PDE4D: variants seen among roughly 807,000 people sequenced by gnomAD.
The protein encoded by PDE4D is 3',5'-cyclic-AMP phosphodiesterase 4D.
A neutral mutation model predicts 87.4 loss-of-function variants in PDE4D; 24 were observed. That is an observed-to-expected ratio of 0.27 (90% CI 0.20 to 0.39). The LOEUF (loss-of-function observed/expected upper bound fraction) is 0.39, where lower values mean the gene tolerates loss of function less well. PDE4D is among the 10% of genes least tolerant of loss of function. The probability of loss-of-function intolerance (pLI) is 1.00; values close to 1 mark genes in which losing one functional copy is unlikely to be tolerated. For synonymous variants in PDE4D, 384 were observed against 383.2 expected, an observed-to-expected ratio of 1.00 and a Z score of -0.02; for missense variants, 714 against 1,041.0, an observed-to-expected ratio of 0.69 and a Z score of 4.32.
chr5:59,248,534 G>A (rs1024033961), intron 1 of PDE4D, among the ~76,000 whole-genome samples: 23 of 151,968 alleles, frequency 1.5e-4, no homozygotes, highest in African/African-American at 5.6e-4. Flanking sequence ...GACAAGAAAA[G>A]GTAAAAGTTT....
intron 1 of PDE4D, among the ~76,000 whole-genome samples, chr5:59,631,506 C>A (rs568017525): frequency 6.6e-6 from 1 of 152,216 alleles, no homozygotes; most frequent in East Asian, 1.9e-4. Flanking sequence ...GTGAGATCAA[C>A]ACAGAAGGCA....
chr5:59,767,115 T>G (rs776593759), intron 1 of PDE4D, among the ~76,000 whole-genome samples: 1 of 151,998 alleles, frequency 6.6e-6, no homozygotes, highest in Non-Finnish European at 1.5e-5. Flanking sequence ...TTCCTTTTAC[T>G]TTTTGCTGCT....
intron 2 of PDE4D, among the ~76,000 whole-genome samples, chr5:60,016,027 G>A (rs183341725): frequency 7.8e-6 from 1 of 128,770 alleles, no homozygotes; most frequent in East Asian, 2.0e-4. Flanking sequence ...CTCTCTCTCT[G>A]TGTGTGTGTG....
intron 1 of PDE4D, among the ~76,000 whole-genome samples, chr5:60,308,354 T>A (rs996876770): frequency 6.6e-6 from 1 of 152,190 alleles, no homozygotes; most frequent in Admixed American, 6.5e-5. Flanking sequence ...ATTTTGAAAA[T>A]TTTCCAACAT....
intron 1 of PDE4D, among the ~76,000 whole-genome samples, chr5:59,543,550 T>C (rs1294661238): frequency 1.3e-5 from 2 of 152,124 alleles, no homozygotes; most frequent in Admixed American, 1.3e-4. Flanking sequence ...TACAAAGATA[T>C]AAAGGAATCC....
At chr5:60,211,597 T>G (rs1304905582) in intron 1 of PDE4D, among the ~76,000 whole-genome samples, 3 of 150,528 alleles carry the variant, frequency 2.0e-5, no homozygotes, top group Admixed American at 2.0e-4. Context: ...TTTTTATTTA[T>G]ATTATATGAA....
chr5:59,340,660 T>C (rs1778565549), intron 1 of PDE4D, among the ~76,000 whole-genome samples: 2 of 152,124 alleles, frequency 1.3e-5, no homozygotes, highest in African/African-American at 4.8e-5. Context: ...CCATTAACCA[T>C]CTCCACTCCC....
At chr5:59,356,252 T>C (rs1369725478) in intron 1 of PDE4D, among the ~76,000 whole-genome samples, 1 of 152,184 alleles carries the variant, frequency 6.6e-6, no homozygotes, top group Non-Finnish European at 1.5e-5. Flanking sequence ...TAATATGACT[T>C]CCAGAAACAA....
rs1222018184 is a variant in PDE4D, at chr5:59,574,063, T to A, written c.455+319105A>T. Reference sequence around the variant, plus strand: ...ATTTATATATATTTATATATAAAAATATATATATTTATATATATATTTATA... The same window carrying A: ...ATTTATATATATTTATATATAAAAAAATATATATTTATATATATATTTATA... On this transcript the variant is annotated intron_variant, in intron 1 of 14. Coordinates refer to ENST00000340635, the MANE Select transcript of PDE4D (RefSeq NM_001104631.2). Among the ~76,000 whole-genome samples, 18 of 14,792 alleles carry A rather than the reference T, an allele frequency of 1.2e-3. 1 individual carries two copies. Among genetic ancestry groups the A allele is most frequent in the African/African-American group, 3.7e-3 (17 of 4,564 alleles). 9.7% of individuals were successfully genotyped at this position (14,792 alleles called of 152,430 possible). A position where few individuals can be genotyped will look rare whatever the true frequency, so the allele number is the denominator to read the frequency against.
At chr5:60,318,519 C>G (rs1459691630) in intron 1 of PDE4D, among the ~76,000 whole-genome samples, 2 of 152,230 alleles carry the variant, frequency 1.3e-5, no homozygotes, top group East Asian at 3.9e-4. Context: ...GAATTTGATC[C>G]TGTCATTATG....
At chr5:60,169,822 G>A (rs933220576) in intron 2 of PDE4D, among the ~76,000 whole-genome samples, 1 of 151,402 alleles carries the variant, frequency 6.6e-6, no homozygotes, top group East Asian at 1.9e-4. Flanking sequence ...TTGAGAGAAT[G>A]CAATAACAAT....
intron 1 of PDE4D, among the ~76,000 whole-genome samples, chr5:59,659,629 T>C (rs1744916978): frequency 6.6e-6 from 1 of 152,242 alleles, no homozygotes; most frequent in Non-Finnish European, 1.5e-5. Flanking sequence ...CTGTTACAGC[T>C]ATCTCCTTTC....
rs368957762 is a variant in PDE4D, at chr5:59,152,298, A to G, written c.808+28297T>C. Among the ~76,000 whole-genome samples the G allele has an allele frequency of 5.6e-4, 85 of 152,046 alleles. 1 individual carries two copies. The highest frequency in any genetic ancestry group is 2.0e-3 in the African/African-American group (81 of 41,396). On this transcript the variant is annotated intron_variant, in intron 5 of 14. Transcript: ENST00000340635. ...CAAAGCAAAGAAAATAATAAAATGGAGGAAGTAGGAAAGAGAGATGTTCAG... is the reference window on the plus strand; with the variant it reads ...CAAAGCAAAGAAAATAATAAAATGGGGGAAGTAGGAAAGAGAGATGTTCAG...
intron 1 of PDE4D, among the ~76,000 whole-genome samples, chr5:60,423,184 A>C (rs1047425004): frequency 2.0e-5 from 3 of 152,172 alleles, no homozygotes; most frequent in African/African-American, 7.2e-5. Context: ...CAGCTCCGCA[A>C]CAAGCGGGCC....
intron 2 of PDE4D, among the ~76,000 whole-genome samples, chr5:60,146,934 T>G (rs1213068819): frequency 1.3e-5 from 2 of 152,138 alleles, no homozygotes; most frequent in Non-Finnish European, 2.9e-5. Context: ...TCATACCTGT[T>G]GAATGGCTAT....
chr5:60,252,571 T>C (rs1156748981), intron 1 of PDE4D, among the ~76,000 whole-genome samples: 1 of 151,772 alleles, frequency 6.6e-6, no homozygotes, highest in Non-Finnish European at 1.5e-5. Context: ...TTTGAAAATA[T>C]GGTAGTGGCA....
At chr5:59,395,493 G>T (rs1272310100) in intron 1 of PDE4D, among the ~76,000 whole-genome samples, 1 of 152,056 alleles carries the variant, frequency 6.6e-6, no homozygotes, top group Non-Finnish European at 1.5e-5. Flanking sequence ...ACACTGCAGG[G>T]TACTCCAACA....
At chr5:59,909,971 A>AC (rs1203022025) in intron 3 of PDE4D, among the ~76,000 whole-genome samples, 4 of 151,768 alleles carry the variant, frequency 2.6e-5, no homozygotes, top group Non-Finnish European at 5.9e-5. Flanking sequence ...CCCCATATAT[A>AC]CCCCCCACCA....
intron 1 of PDE4D, among the ~76,000 whole-genome samples, chr5:60,437,786 C>G (rs920390968): frequency 1.3e-5 from 2 of 152,122 alleles, no homozygotes; most frequent in Non-Finnish European, 2.9e-5. Flanking sequence ...GCTTCAGAAG[C>G]ATCCAGATAA....
Sources: gnomAD v4.1 joint callset for allele counts (sites outside exome capture counted in the v4.1 genomes callset) on GRCh38, gnomAD v4.1.1 for gene constraint, MANE v1.5 for transcripts, NCBI Gene and HGNC (gene_info 2026-07-23, HGNC 2026-07-21) for gene names.